Variants in KCTD14 observed in about 807,000 individuals in gnomAD.
The protein encoded by KCTD14 is BTB/POZ domain-containing protein KCTD14.
In KCTD14, 7 loss-of-function variants were observed where a neutral mutation model predicts 5.9. The ratio of observed to expected loss-of-function variants is 1.19; its 90% confidence interval spans 0.68 to 2.23. KCTD14 has a LOEUF of 2.23. Among genes scored for constraint, KCTD14 ranks in the 30% most tolerant of loss-of-function variants. The pLI, the probability that KCTD14 is intolerant of heterozygous loss-of-function variation, is 0.00. For synonymous variants in KCTD14, 140 were observed against 133.1 expected, an observed-to-expected ratio of 1.05 and a Z score of -0.36; for missense variants, 342 against 332.2, an observed-to-expected ratio of 1.03 and a Z score of -0.23.
intron 1 of KCTD14, among the ~76,000 whole-genome samples, chr11:78,043,205 T>A (rs887645537): frequency 6.6e-5 from 10 of 152,082 alleles, no homozygotes; most frequent in Middle Eastern, 6.8e-3. Context: ...CCCCTGGCAT[T>A]TTCTTCTACC....
chr11:78,035,979 G>C (rs1857787335), intron 2 of KCTD14, among the ~76,000 whole-genome samples: 1 of 152,004 alleles, frequency 6.6e-6, no homozygotes, highest in Non-Finnish European at 1.5e-5. Flanking sequence ...GGCCAACATG[G>C]TGAAACCCCG....
At chr11:78,045,812 A>C (rs1171362673) in intron 1 of KCTD14, among the ~76,000 whole-genome samples, 9 of 152,168 alleles carry the variant, frequency 5.9e-5, no homozygotes, top group Admixed American at 5.2e-4. Flanking sequence ...CGCCCGTCAA[A>C]GTGCTCCCAA....
At chr11:78,038,360 G>A (rs1857879041) in intron 2 of KCTD14, among the ~76,000 whole-genome samples, 1 of 152,186 alleles carries the variant, frequency 6.6e-6, no homozygotes, top group Non-Finnish European at 1.5e-5. Flanking sequence ...CTCAGGCCAT[G>A]CTGATGGCCT....
chr11:78,023,357 T>C (rs1857360253), upstream of KCTD14: 39 of 1,024,754 alleles, frequency 3.8e-5, no homozygotes, highest in South Asian at 5.5e-4. Flanking sequence ...GCAGTGAGAC[T>C]GGGCCAAGTG....
upstream of KCTD14, among the ~76,000 whole-genome samples, chr11:78,028,129 C>A (rs866191705): frequency 6.6e-6 from 1 of 152,058 alleles, no homozygotes; most frequent in Non-Finnish European, 1.5e-5. Context: ...CGAGTATATA[C>A]CCTTGATGTG....
chr11:78,042,903 C>G (rs966067511), intron 1 of KCTD14, among the ~76,000 whole-genome samples: 1 of 152,176 alleles, frequency 6.6e-6, no homozygotes, highest in Non-Finnish European at 1.5e-5. Context: ...ATATAGCTTG[C>G]GAAGAAGCTG....
rs951941021 is a variant in KCTD14, at chr11:78,037,942, CTT to C, written c.-1+720_-1+721del. On this transcript the variant is annotated intron_variant, in intron 2 of 2. Coordinates refer to the KCTD14 transcript ENST00000533144. ...AGTGTGCTCACTTTGTGAATATTAACTTAGGTGCATTCCTCTGTGTGTAAGTT... is the reference window on the plus strand; with the variant it reads ...AGTGTGCTCACTTTGTGAATATTAACAGGTGCATTCCTCTGTGTGTAAGTT... Among the ~76,000 whole-genome samples, 6 of 150,836 alleles carry C rather than the reference CTT, an allele frequency of 4.0e-5. No individual in the cohort carries two copies. In the South Asian group the frequency reaches 6.3e-4, roughly 16 times the overall value.
At chr11:78,020,946 G>A (rs1446588318) in intron 1 of KCTD14, among the ~76,000 whole-genome samples, 1 of 152,152 alleles carries the variant, frequency 6.6e-6, no homozygotes, top group Non-Finnish European at 1.5e-5. Context: ...AGCTTCCCCA[G>A]CTCTGAAAGT....
intron 2 of KCTD14, among the ~76,000 whole-genome samples, chr11:78,031,019 T>A (rs1857596425): frequency 6.6e-6 from 1 of 151,700 alleles, no homozygotes; most frequent in African/African-American, 2.4e-5. Flanking sequence ...CATTGACTCT[T>A]CAGAATAACG....
chr11:78,030,767 T>C (rs1323473527), intron 2 of KCTD14, among the ~76,000 whole-genome samples: 1 of 152,108 alleles, frequency 6.6e-6, no homozygotes, highest in African/African-American at 2.4e-5. Flanking sequence ...GTGCCCAGCC[T>C]AGCCCAGCCC....
At chr11:78,038,656 C>A in intron 2 of KCTD14, 6 of 1,535,672 alleles carry the variant, frequency 3.9e-6, no homozygotes, top group Non-Finnish European at 4.4e-6. Context: ...AGGGGGTGAC[C>A]TGCATACCTA....
At position 78,017,118 on chromosome 11, in the gene KCTD14, G is replaced by A; in HGVS notation, c.243C>T (p.Arg81=). ...GGATGGGTCTGAAATAGGTGCTGGG[G>A]CGGTCGATGAAGAAGCGGCCCTCCG... is the stretch of plus-strand genomic sequence containing the variant. ...TDAEGRFFID[R]PSTYFRPILD... Residue 81 remains arginine, a synonymous_variant, in exon 2 of 2, where the codon CGC becomes CGT. Transcript: ENST00000353172. 5 of 1,614,174 alleles carry A rather than the reference G, an allele frequency of 3.1e-6. No individual in the cohort carries two copies. The highest frequency in any genetic ancestry group is 4.2e-6 in the Non-Finnish European group (5 of 1,180,028).
Position 78,038,670 on chromosome 11 carries a change from G to A in KCTD14, c.-7C>T, listed in dbSNP as rs1016628129. On this transcript the variant is annotated 5_prime_UTR_variant, in exon 2 of 3. Transcript: ENST00000533144. ...GAGGGGGTGACCTGCATACCTAATG[G>A]GTGGTGGCAGCAGAACTCCCCACAG... 4.6e-6 allele frequency: 7 copies of A among 1,535,730 alleles called. No homozygotes were observed. In the Admixed American group the frequency reaches 1.2e-4, roughly 26 times the overall value.
chr11:78,041,375 T>A (rs974339167), intron 1 of KCTD14, among the ~76,000 whole-genome samples: 1 of 152,198 alleles, frequency 6.6e-6, no homozygotes, highest in Non-Finnish European at 1.5e-5. Flanking sequence ...TAAGCCTAGC[T>A]GGGAAGGTGA....
intron 1 of KCTD14, among the ~76,000 whole-genome samples, chr11:78,018,745 T>C (rs1857237380): frequency 6.6e-6 from 1 of 151,228 alleles, no homozygotes; most frequent in Non-Finnish European, 1.5e-5. Context: ...AATGGGGACG[T>C]GGAGTTGTTA....
intron 2 of KCTD14, among the ~76,000 whole-genome samples, chr11:78,031,232 G>C (rs1591186920): frequency 6.6e-6 from 1 of 151,514 alleles, no homozygotes; most frequent in South Asian, 2.1e-4. Context: ...CTTTTTTGTA[G>C]AGATGGTGTC....
At chr11:78,046,106 C>A (rs1858132992) in exon 1 of KCTD14, 1 of 985,254 alleles carries the variant, frequency 1.0e-6, no homozygotes, top group South Asian at 4.7e-5. Flanking sequence ...AGTGATCTGC[C>A]GAGATTTCCC....
rs748740683 is a variant in KCTD14, at chr11:78,016,727, C to T, written c.634G>A (p.Asp212Asn). Reference sequence around the variant, plus strand: ...TCCATCTCCAGGCAGTGCATGAGGTCGCTGTTGTCTAGGACCGCCTTCCAG... The same window carrying T: ...TCCATCTCCAGGCAGTGCATGAGGTTGCTGTTGTCTAGGACCGCCTTCCAG... Reference protein sequence around the residue: ...GPWKAVLDNSDLMHCLEMDIK... With the variant: ...GPWKAVLDNSNLMHCLEMDIK... Residue 212 changes from aspartate (D) to asparagine (N), a missense_variant, in exon 2 of 2, where the codon GAC becomes AAC. Coordinates refer to ENST00000353172, the MANE Select transcript of KCTD14 (RefSeq NM_023930.4). 68 of 1,614,082 alleles carry T rather than the reference C, an allele frequency of 4.2e-5. No homozygotes were observed. The highest frequency in any genetic ancestry group is 8.3e-5 in the Admixed American group (5 of 60,002).
intron 2 of KCTD14, among the ~76,000 whole-genome samples, chr11:78,028,620 A>G (rs1195340116): frequency 7.8e-6 from 1 of 128,252 alleles, no homozygotes. Context: ...AAAAAAAAAA[A>G]GCAGCCTGAG....
Sources: allele counts gnomAD v4.1 joint callset (sites outside exome capture counted in the v4.1 genomes callset), GRCh38; gene constraint gnomAD v4.1.1; transcripts MANE v1.5; gene names NCBI Gene and HGNC (gene_info 2026-07-23, HGNC 2026-07-21).